Variants in ATRNL1 observed in about 807,000 individuals in gnomAD.
The protein encoded by ATRNL1 is attractin-like protein 1.
A neutral mutation model predicts 182.7 loss-of-function variants in ATRNL1; 95 were observed. The observed-to-expected ratio is 0.52, with a 90% CI of 0.44 to 0.62. The LOEUF (loss-of-function observed/expected upper bound fraction) is 0.62. Ranked by LOEUF, ATRNL1 falls within the 20% of genes least tolerant of loss-of-function variation. The probability of loss-of-function intolerance (pLI) is 0.00; values close to 1 mark genes in which losing one functional copy is unlikely to be tolerated. For synonymous variants in ATRNL1, 576 were observed against 568.3 expected (o/e 1.01, Z -0.19); for missense variants, 1,471 against 1,679.5 (o/e 0.88, Z 2.17).
intron 28 of ATRNL1, among the ~76,000 whole-genome samples, chr10:115,920,984 G>A (rs1371993352): frequency 6.6e-6 from 1 of 152,124 alleles, no homozygotes; most frequent in Non-Finnish European, 1.5e-5. Flanking sequence ...AACAGAAATG[G>A]TTATTGAAAT....
At chr10:115,624,495 A>T (rs1442905232) in intron 26 of ATRNL1, among the ~76,000 whole-genome samples, 1 of 152,206 alleles carries the variant, frequency 6.6e-6, no homozygotes, top group Admixed American at 6.5e-5. Context: ...ATCATCTTCG[A>T]TTATAAAATT....
chr10:115,747,811 G>T (rs1312013902), intron 27 of ATRNL1, among the ~76,000 whole-genome samples: 1 of 151,968 alleles, frequency 6.6e-6, no homozygotes, highest in Non-Finnish European at 1.5e-5. Context: ...CAAGATCAAG[G>T]CACTGGCACA....
At chr10:115,394,949 A>ATGAT (rs1844212496) in intron 20 of ATRNL1, among the ~76,000 whole-genome samples, 197 bp downstream of exon 20, 1 of 151,928 alleles carries the variant, frequency 6.6e-6, no homozygotes, top group Non-Finnish European at 1.5e-5. Flanking sequence ...GGTTTGGGAT[A>ATGAT]TGATTGATCC....
intron 13 of ATRNL1, among the ~76,000 whole-genome samples, chr10:115,277,204 A>T (rs931677655): frequency 1.3e-5 from 2 of 152,180 alleles, no homozygotes; most frequent in South Asian, 2.1e-4. Flanking sequence ...TTCTAATGAA[A>T]ATGAAGTGGT....
chr10:115,554,176 TC>T (rs1554996404), intron 26 of ATRNL1, among the ~76,000 whole-genome samples: 1 of 151,532 alleles, frequency 6.6e-6, no homozygotes, highest in African/African-American at 2.4e-5. Flanking sequence ...AATATTTCAC[TC>T]AAATAAATGC....
intron 1 of ATRNL1, among the ~76,000 whole-genome samples, chr10:115,118,653 T>A (rs1200718438): frequency 2.0e-5 from 3 of 152,116 alleles, no homozygotes; most frequent in African/African-American, 7.2e-5. Context: ...GGTTATTGCT[T>A]CCAACTTTTG....
intron 26 of ATRNL1, among the ~76,000 whole-genome samples, chr10:115,621,742 T>C (rs1592961543): frequency 6.6e-6 from 1 of 152,312 alleles, no homozygotes; most frequent in East Asian, 1.9e-4. Flanking sequence ...TTCCATTTCT[T>C]ATTAATCTTT....
chr10:115,644,484 T>C (rs1565242750), intron 26 of ATRNL1, among the ~76,000 whole-genome samples: 1 of 152,152 alleles, frequency 6.6e-6, no homozygotes, highest in African/African-American at 2.4e-5. Context: ...TTGCTCAAGG[T>C]CGCATAGCCC....
At chr10:115,765,899 C>T (rs186064919) in intron 27 of ATRNL1, among the ~76,000 whole-genome samples, 1 of 152,250 alleles carries the variant, frequency 6.6e-6, no homozygotes, top group East Asian at 1.9e-4. Flanking sequence ...TACAATTAGA[C>T]TTTTTCCAAT....
chr10:115,512,008 G>T (rs1198643320), intron 24 of ATRNL1, among the ~76,000 whole-genome samples: 1 of 151,712 alleles, frequency 6.6e-6, no homozygotes, highest in Non-Finnish European at 1.5e-5. Flanking sequence ...TATTACCGAA[G>T]ACAGAATTAC....
At chr10:115,718,919 C>T (rs1555057013) in intron 26 of ATRNL1, among the ~76,000 whole-genome samples, 2 of 152,072 alleles carry the variant, frequency 1.3e-5, no homozygotes, top group African/African-American at 4.8e-5. Context: ...CATGGAGAAG[C>T]TTGCTGAATA....
chr10:115,411,910 T>G (rs982945430), intron 20 of ATRNL1, among the ~76,000 whole-genome samples: 9 of 152,170 alleles, frequency 5.9e-5, no homozygotes, highest in African/African-American at 1.9e-4. Flanking sequence ...AAAAATTTTA[T>G]GTTGGGCAGC....
chr10:115,211,422 T>G (rs1273977123), intron 8 of ATRNL1, among the ~76,000 whole-genome samples: 1 of 152,030 alleles, frequency 6.6e-6, no homozygotes, highest in East Asian at 1.9e-4. Flanking sequence ...AAATTATTGT[T>G]TTTCTAGGTA....
chr10:115,749,995 C>G (rs1376644633), intron 27 of ATRNL1, among the ~76,000 whole-genome samples: 2 of 150,082 alleles, frequency 1.3e-5, no homozygotes, highest in Non-Finnish European at 1.5e-5. Context: ...ACATTTGTAT[C>G]TAAACATAAT....
At chr10:115,683,667 T>C (rs1384984351) in intron 26 of ATRNL1, among the ~76,000 whole-genome samples, 1 of 148,970 alleles carries the variant, frequency 6.7e-6, no homozygotes, top group Non-Finnish European at 1.5e-5. Context: ...TTATAACAAA[T>C]TGTAGTGCTG....
intron 28 of ATRNL1, among the ~76,000 whole-genome samples, chr10:115,852,809 T>G (rs1951087927): frequency 6.6e-6 from 1 of 152,212 alleles, no homozygotes; most frequent in Non-Finnish European, 1.5e-5. Flanking sequence ...ATTTTATCTT[T>G]GCCGGTGACT....
In ATRNL1 at chr10:115,408,161, G is replaced by A. The variant is rs985357244; in HGVS notation, c.3269+13409G>A. Reference sequence around the variant, plus strand: ...CGGGACTACAGGCGCCCGCCACCGCGCCCGGCTAATTTTTTGTATTTTTAG... The same window carrying A: ...CGGGACTACAGGCGCCCGCCACCGCACCCGGCTAATTTTTTGTATTTTTAG... On this transcript the variant is annotated intron_variant, in intron 20 of 28. Transcript: ENST00000355044. 6.3e-4 allele frequency among the ~76,000 whole-genome samples: 95 copies of A among 150,910 alleles called. 1 individual carries two copies. The highest frequency in any genetic ancestry group is 3.0e-5 in the Non-Finnish European group (2 of 67,720).
At chr10:115,474,098 C>T (rs1217286988) in intron 24 of ATRNL1, among the ~76,000 whole-genome samples, 2 of 151,276 alleles carry the variant, frequency 1.3e-5, no homozygotes, top group Non-Finnish European at 3.0e-5. Context: ...CATCTGCTAA[C>T]TTTGGGCTTC....
intron 28 of ATRNL1, among the ~76,000 whole-genome samples, chr10:115,894,876 C>T (rs571114720): frequency 3.7e-4 from 56 of 152,242 alleles, no homozygotes; most frequent in African/African-American, 1.3e-3. Flanking sequence ...TAGCTTATCC[C>T]CTGGTAGTTA....
Sources: allele counts gnomAD v4.1 joint callset (sites outside exome capture counted in the v4.1 genomes callset), GRCh38; gene constraint gnomAD v4.1.1; transcripts MANE v1.5; gene names NCBI Gene and HGNC (gene_info 2026-07-23, HGNC 2026-07-21).